The following DAAM1 variants were observed in gnomAD, a reference collection of about 807,000 sequenced individuals.
DAAM1 encodes dishevelled associated activator of morphogenesis 1, also known as disheveled-associated activator of morphogenesis 1.
DAAM1 carries 52 observed loss-of-function variants against 130.0 expected under a neutral mutation model. That is an observed-to-expected ratio of 0.40 (90% CI 0.32 to 0.50). DAAM1 has a LOEUF of 0.50. DAAM1 is among the 20% of genes least tolerant of loss of function. The pLI, the probability that DAAM1 is intolerant of heterozygous loss-of-function variation, is 0.61. For synonymous variants in DAAM1, 452 were observed against 444.5 expected, an observed-to-expected ratio of 1.02 and a Z score of -0.21; for missense variants, 1,134 against 1,303.8, an observed-to-expected ratio of 0.87 and a Z score of 2.01.
intron 1 of DAAM1, among the ~76,000 whole-genome samples, chr14:59,221,734 T>G (rs926590777): frequency 6.6e-6 from 1 of 152,222 alleles, no homozygotes; most frequent in Non-Finnish European, 1.5e-5. Context: ...GTAACTCCTT[T>G]CTTGTCCTGC....
chr14:59,216,961 T>C (rs557980819), intron 1 of DAAM1, among the ~76,000 whole-genome samples: 78 of 152,220 alleles, frequency 5.1e-4, no homozygotes, highest in Non-Finnish European at 9.9e-4. Flanking sequence ...TGCTTGAAAG[T>C]TGAGAGACAA....
At chr14:59,277,063 A>G (rs1282060071) in intron 2 of DAAM1, among the ~76,000 whole-genome samples, 1 of 152,184 alleles carries the variant, frequency 6.6e-6, no homozygotes, top group Non-Finnish European at 1.5e-5. Context: ...ATTGAAATCT[A>G]TTGATTAGGT....
At chr14:59,253,976 TA>T (rs893629548) in intron 1 of DAAM1, among the ~76,000 whole-genome samples, 2 of 152,248 alleles carry the variant, frequency 1.3e-5, no homozygotes, top group African/African-American at 4.8e-5. Flanking sequence ...GTGAGGAAGT[TA>T]AAAAATGCCT....
At chr14:59,349,361 G>A (rs577362066) in intron 17 of DAAM1, among the ~76,000 whole-genome samples, 2 of 152,368 alleles carry the variant, frequency 1.3e-5, no homozygotes, top group African/African-American at 4.8e-5. Flanking sequence ...GGCCTGCAGT[G>A]CAAATAGAGT....
At chr14:59,365,427 T>G (rs1021134168) in intron 23 of DAAM1, among the ~76,000 whole-genome samples, 9 of 152,162 alleles carry the variant, frequency 5.9e-5, no homozygotes, top group Non-Finnish European at 1.2e-4. Flanking sequence ...ATATATGGCG[T>G]CTGAAGAATG....
intron 2 of DAAM1, among the ~76,000 whole-genome samples, chr14:59,273,502 T>G (rs1206056941): frequency 6.6e-6 from 1 of 152,236 alleles, no homozygotes; most frequent in African/African-American, 2.4e-5. Flanking sequence ...CTATGGATCC[T>G]CTTGGTCCTG....
At chr14:59,326,781 A>G in intron 11 of DAAM1, 133 bp downstream of exon 11, 2 of 1,496,742 alleles carry the variant, frequency 1.3e-6, no homozygotes, top group South Asian at 2.5e-5. Context: ...GTACACATGC[A>G]CTATAGCTAA....
chr14:59,330,669 A>G lies in DAAM1; in HGVS notation c.1541A>G (p.Gln514Arg). The G allele has an allele frequency of 6.2e-7, 1 of 1,611,568 alleles. No individual in the cohort carries two copies. Among genetic ancestry groups the G allele is most frequent in the Non-Finnish European group, 8.5e-7 (1 of 1,179,082 alleles). The change falls in exon 13 of 25, where the codon CAG (glutamine) becomes CGG (arginine). Residue 514 changes from glutamine to arginine, a missense_variant. Gln to Arg is a conservative substitution (Grantham distance 43). Transcript: ENST00000360909. ...CAGCAGGTGGCGGACCTCACAGCAC[A>G]GCTCCATGAGCTCAGCAGGGTGAGG... ...VKQQVADLTA[Q>R]LHELSRRAVC...
chr14:59,326,098 C>T (rs764303888), intron 10 of DAAM1, 21 bp downstream of exon 10: 2 of 1,600,172 alleles, frequency 1.2e-6, no homozygotes, highest in Non-Finnish European at 1.7e-6. Context: ...TCGTGACTCA[C>T]ATGTGTGCTT....
chr14:59,339,106 CA>C (rs1232842452), intron 15 of DAAM1, among the ~76,000 whole-genome samples: 4 of 152,170 alleles, frequency 2.6e-5, no homozygotes, highest in African/African-American at 9.7e-5. Context: ...AGAACTTAAA[CA>C]GACTTTAGAG....
chr14:59,202,097 C>T (rs983050981), intron 1 of DAAM1, among the ~76,000 whole-genome samples: 1 of 152,278 alleles, frequency 6.6e-6, no homozygotes, highest in African/African-American at 2.4e-5. Flanking sequence ...AAAAATTCAG[C>T]GGGAGAGTAG....
chr14:59,265,345 G>A (rs1025095828), intron 2 of DAAM1: 3 of 152,312 alleles, frequency 2.0e-5, no homozygotes, highest in Admixed American at 6.5e-5. Flanking sequence ...AATATTTTCA[G>A]TGTTTAAGGA....
At chr14:59,359,575 A>G in intron 21 of DAAM1, 71 bp downstream of exon 21, 2 of 1,165,606 alleles carry the variant, frequency 1.7e-6, no homozygotes, top group Non-Finnish European at 2.5e-6. Context: ...GGTAGTTTGC[A>G]CTGCATGAAG....
chr14:59,300,007 GA>G (rs1375966651), intron 3 of DAAM1: 1 of 152,136 alleles, frequency 6.6e-6, no homozygotes, highest in East Asian at 1.9e-4. Flanking sequence ...GTCAAGTCTG[GA>G]AAAGTGGGTA....
chr14:59,264,072 A>G (rs1367012723), intron 2 of DAAM1: 1 of 217,268 alleles, frequency 4.6e-6, no homozygotes, highest in Non-Finnish European at 9.4e-6. Flanking sequence ...GTACAGTATT[A>G]ACGTATTTTT....
intron 20 of DAAM1, among the ~76,000 whole-genome samples, chr14:59,356,746 C>A (rs532236402): frequency 2.6e-5 from 4 of 152,366 alleles, no homozygotes; most frequent in South Asian, 2.1e-4. Context: ...CCAATACTTA[C>A]CAATAACCTG....
chr14:59,231,687 C>G (rs1449025834), intron 1 of DAAM1, among the ~76,000 whole-genome samples: 1 of 152,078 alleles, frequency 6.6e-6, no homozygotes, highest in East Asian at 1.9e-4. Flanking sequence ...TAATAAAACT[C>G]ACATCACCGG....
chr14:59,199,387 C>T (rs1301884990), intron 1 of DAAM1, among the ~76,000 whole-genome samples: 1 of 152,172 alleles, frequency 6.6e-6, no homozygotes, highest in Non-Finnish European at 1.5e-5. Flanking sequence ...CGCATGCAAC[C>T]GTGCAGGGCT....
intron 20 of DAAM1, among the ~76,000 whole-genome samples, chr14:59,358,836 CAAAAA>C (rs35150898): frequency 1.4e-5 from 2 of 137,936 alleles, no homozygotes; most frequent in African/African-American, 2.7e-5. Flanking sequence ...GACCCCATCT[CAAAAA>C]AAAAAAAAAA....
Sources: allele counts gnomAD v4.1 joint callset (sites outside exome capture counted in the v4.1 genomes callset), GRCh38; gene constraint gnomAD v4.1.1; transcripts MANE v1.5; gene names NCBI Gene and HGNC (gene_info 2026-07-23, HGNC 2026-07-21).